Variants in CDH15 observed in about 807,000 individuals in gnomAD.
CDH15 encodes cadherin 15.
CDH15 carries 73 observed loss-of-function variants against 69.4 expected under a neutral mutation model. That is an observed-to-expected ratio of 1.05 (90% CI 0.87 to 1.28). The LOEUF (loss-of-function observed/expected upper bound fraction) is 1.28. Among genes scored for constraint, CDH15 ranks in the 50% most tolerant of loss-of-function variants. CDH15 has a pLI of 0.00. For missense variants in CDH15, 1,343 were observed against 1,133.6 expected (o/e 1.18, Z -2.65); for synonymous variants, 624 against 507.7 (o/e 1.23, Z -3.08).
intron 3 of CDH15, among the ~76,000 whole-genome samples, chr16:89,182,129 C>G (rs1286554422): frequency 1.3e-5 from 1 of 75,818 alleles, no homozygotes; most frequent in East Asian, 4.7e-4. Context: ...CCAGCCTGCC[C>G]TCCCCCAGCC....
chr16:89,179,849 C>G (rs1007601374), intron 2 of CDH15, among the ~76,000 whole-genome samples: 1 of 152,234 alleles, frequency 6.6e-6, no homozygotes, highest in Admixed American at 6.5e-5. Context: ...GCTGCACGCT[C>G]GGGCGTGATT....
At position 89,174,556 on chromosome 16, in the gene CDH15, A is replaced by G. The variant is rs1915219563; in HGVS notation, c.42+2683A>G. Among the ~76,000 whole-genome samples, 4 of 152,112 alleles carry G rather than the reference A, an allele frequency of 2.6e-5. No individual in the cohort carries two copies. The South Asian group carries it at 8.3e-4, about 31-fold the overall frequency. On this transcript the variant is annotated intron_variant, in intron 1 of 13. Transcript: ENST00000289746. ...CCCAGTGTGTGCAGAGCTTTCTTAC[A>G]CAGCAGCCCCTTGGGGTTGAGTGTC...
At chr16:89,185,455 G>A (rs1010029955) in intron 5 of CDH15, 122 bp downstream of exon 5, 2 of 1,133,816 alleles carry the variant, frequency 1.8e-6, no homozygotes, top group African/African-American at 1.5e-5. Flanking sequence ...TGCAGAGCTT[G>A]CAGTGGCCCT....
At chr16:89,179,293 G>C (rs866848063) in intron 1 of CDH15, 123 bp from the exon 2 acceptor site, 2 of 1,149,586 alleles carry the variant, frequency 1.7e-6, no homozygotes, top group Admixed American at 3.9e-5. Flanking sequence ...AATGGGCACC[G>C]ACCCGTGGGC....
At chr16:89,188,772 C>CAG (rs1462206917) in intron 7 of CDH15, among the ~76,000 whole-genome samples, 1 of 131,514 alleles carries the variant, frequency 7.6e-6, no homozygotes, top group Non-Finnish European at 1.6e-5. Flanking sequence ...ACACAGATGC[C>CAG]CACACACAGA....
chr16:89,190,353 C>T lies in CDH15; in HGVS notation c.1089C>T (p.Arg363=), dbSNP rs374972458. The change falls in exon 8 of 14, where the codon CGC becomes CGT. Residue 363 remains arginine, a synonymous_variant. Transcript: ENST00000289746. Reference sequence around the variant, plus strand: ...CTGAGCGGGGCCAGGCCAAGGTCCGCGTGCATGTGCAGGACACCAACGAGC... The same window carrying T: ...CTGAGCGGGGCCAGGCCAAGGTCCGTGTGCATGTGCAGGACACCAACGAGC... The part of the protein sequence containing the change: ...LRAERGQAKV[R]VHVQDTNEPP... 8.2e-5 allele frequency: 132 copies of T among 1,612,674 alleles called. No homozygotes were observed. Among genetic ancestry groups the T allele is most frequent in the Non-Finnish European group, 1.1e-4 (125 of 1,179,936 alleles).
chr16:89,193,867 G>A lies in CDH15; in HGVS notation c.2105G>A (p.Arg702Gln), dbSNP rs778807813. 7 of 1,611,854 alleles carry A rather than the reference G, an allele frequency of 4.3e-6. No homozygotes were observed. The highest frequency in any genetic ancestry group is 1.7e-5 in the Admixed American group (1 of 59,970). ...GGCCGCCTGCACCCCCAGCCACCCC[G>A]AGTGCTGCCCACCAGCCCCCTGGAC... is the stretch of plus-strand genomic sequence containing the variant. ...PQGRLHPQPP[R>Q]VLPTSPLDIA... The change falls in exon 13 of 14, where the codon CGA (arginine) becomes CAA (glutamine). Residue 702 changes from arginine to glutamine, a missense_variant. Coordinates refer to ENST00000289746, the MANE Select transcript of CDH15 (RefSeq NM_004933.3).
At chr16:89,179,845 C>T (rs916301656) in intron 2 of CDH15, among the ~76,000 whole-genome samples, 2 of 152,228 alleles carry the variant, frequency 1.3e-5, no homozygotes, top group Non-Finnish European at 2.9e-5. Context: ...TTAGGCTGCA[C>T]GCTCGGGCGT....
chr16:89,193,887 C>G lies in CDH15; in HGVS notation c.2125C>G (p.Leu709Val). 2 of 1,612,284 alleles carry G rather than the reference C, an allele frequency of 1.2e-6. No individual in the cohort carries two copies. The highest frequency in any genetic ancestry group is 8.5e-7 in the Non-Finnish European group (1 of 1,179,832). ...ACCCCGAGTGCTGCCCACCAGCCCC[C>G]TGGACATCGCCGACTTCATCAATGA... Reference protein sequence around the residue: ...QPPRVLPTSPLDIADFINDGL... With the variant: ...QPPRVLPTSPVDIADFINDGL... Residue 709 changes from leucine (L) to valine (V), a missense_variant, in exon 13 of 14, where the codon CTG becomes GTG. Coordinates refer to ENST00000289746, the MANE Select transcript of CDH15 (RefSeq NM_004933.3).
At position 89,195,404 on chromosome 16, in the gene CDH15, G is replaced by A. The variant is rs1433202896; in HGVS notation, c.*249G>A. ...GGGTCACCTCCCTAGTCCCACCTTT[G>A]CCTCCTACCAGTGAACCTCATCTTT... On this transcript the variant is annotated 3_prime_UTR_variant, in exon 14 of 14. Transcript: ENST00000289746. 1.9e-6 allele frequency: 1 copy of A among 538,808 alleles called. No homozygotes were observed. Among genetic ancestry groups the A allele is most frequent in the African/African-American group, 1.9e-5 (1 of 53,090 alleles). The allele number at this position is 538,808 out of a possible 1,614,324, so 33.4% of individuals were successfully genotyped here.
Position 89,183,565 on chromosome 16 carries a change from G to C in CDH15, c.375G>C (p.Leu125=). ...TDRFRLRAFA[L]DLGGSTLEDP... Reference sequence around the variant, plus strand: ...TTGAACAGCTAAGAGCGTTTGCCCTGGACCTGGGAGGATCCACCCTGGAGG... The same window carrying C: ...TTGAACAGCTAAGAGCGTTTGCCCTCGACCTGGGAGGATCCACCCTGGAGG... Residue 125 remains leucine (L), a synonymous_variant, in exon 4 of 14, where the codon CTG becomes CTC. Transcript: ENST00000289746. The C allele has an allele frequency of 1.2e-6, 2 of 1,614,150 alleles. No individual in the cohort carries two copies.
In CDH15 at chr16:89,180,354, G is replaced by C; in HGVS notation, c.356G>C (p.Arg119Thr). 6.2e-7 allele frequency: 1 copy of C among 1,611,576 alleles called. No homozygotes were observed. The highest frequency in any genetic ancestry group is 2.2e-5 in the East Asian group (1 of 44,792). ...MLDREKTDRF[R>T]LRAFALDLGG... ...GACCGCGAGAAGACTGATCGCTTCA[G>C]GGTGCGGAGCTGCGTGGTCGGACCT... is the stretch of plus-strand genomic sequence containing the variant. The change falls in exon 3 of 14, where the codon AGG (arginine) becomes ACG (threonine). Residue 119 changes from arginine (R) to threonine (T), a missense_variant and splice_region_variant. By Grantham distance (71) the Arg-to-Thr change is moderately conservative. Transcript: ENST00000289746.
chr16:89,178,462 C>A (rs1461384902), intron 1 of CDH15, among the ~76,000 whole-genome samples: 2 of 152,176 alleles, frequency 1.3e-5, no homozygotes, highest in Non-Finnish European at 2.9e-5. Context: ...ACCGAGGTAC[C>A]CTGTTCTGGG....
chr16:89,188,136 G>C lies in CDH15; in HGVS notation c.829G>C (p.Asp277His). The change falls in exon 7 of 14, where the codon GAT (aspartate) becomes CAT (histidine). Residue 277 changes from aspartate (D) to histidine (H), a missense_variant. By Grantham distance (81) the Asp-to-His change is moderately conservative. Transcript: ENST00000289746. ...GGCCATAGAGGCCGTCAGCGGAGTG[G>C]ATGTGGGACGCCTGGAAGTGGAGGA... ...MEAIEAVSGV[D>H]VGRLEVEDRD... 1 of 1,613,214 alleles carries C rather than the reference G, an allele frequency of 6.2e-7. No individual in the cohort carries two copies. Among genetic ancestry groups the C allele is most frequent in the African/African-American group, 1.3e-5 (1 of 75,044 alleles).
At chr16:89,194,761 G>C in intron 13 of CDH15, 101 bp from the exon 14 acceptor site, 1 of 1,227,382 alleles carries the variant, frequency 8.1e-7, no homozygotes, top group African/African-American at 1.5e-5. Context: ...TCCCCTTCCT[G>C]AGCCCGTGCC....
At chr16:89,193,960 G>A (rs749763827) in intron 13 of CDH15, 47 bp downstream of exon 13, 22 of 1,595,282 alleles carry the variant, frequency 1.4e-5, no homozygotes, top group Middle Eastern at 3.3e-4. Flanking sequence ...ACGCACAGGT[G>A]CACACACACA....
chr16:89,190,638 C>G (rs748294642), intron 8 of CDH15, 142 bp downstream of exon 8: 1 of 1,111,592 alleles, frequency 9.0e-7, no homozygotes, highest in South Asian at 1.5e-5. Context: ...TGGAGGGTCT[C>G]GAGTCCCGAG....
At chr16:89,183,801 T>C in intron 4 of CDH15, 109 bp downstream of exon 4, 1 of 1,179,648 alleles carries the variant, frequency 8.5e-7, no homozygotes, top group Non-Finnish European at 1.2e-6. Context: ...AGTCTAAAAA[T>C]AAGTAAACAA....
At chr16:89,191,964 C>A (rs867530954) in intron 10 of CDH15, 70 bp downstream of exon 10, 5 of 1,434,186 alleles carry the variant, frequency 3.5e-6, no homozygotes, top group Admixed American at 4.0e-5. Context: ...CGGCCTCGGA[C>A]GGGGGCAGGA....
Sources: allele counts gnomAD v4.1 joint callset (sites outside exome capture counted in the v4.1 genomes callset), GRCh38; gene constraint gnomAD v4.1.1; transcripts MANE v1.5; gene names NCBI Gene and HGNC (gene_info 2026-07-23, HGNC 2026-07-21).